The following CACNA2D3 variants were observed in gnomAD, a reference collection of about 807,000 sequenced individuals.
The protein encoded by CACNA2D3 is voltage-dependent calcium channel subunit alpha-2/delta-3.
CACNA2D3 carries 60 observed loss-of-function variants against 160.6 expected under a neutral mutation model. That is an observed-to-expected ratio of 0.37 (90% CI 0.30 to 0.46). The LOEUF (loss-of-function observed/expected upper bound fraction) is 0.46, where lower values mean the gene tolerates loss of function less well. Among genes scored for constraint, CACNA2D3 ranks in the 20% least tolerant of loss-of-function variants. The pLI, the probability that CACNA2D3 is intolerant of heterozygous loss-of-function variation, is 1.00. For synonymous variants in CACNA2D3, 558 were observed against 492.9 expected (o/e 1.13, Z -1.75); for missense variants, 1,205 against 1,365.0 (o/e 0.88, Z 1.85).
chr3:54,868,212 C>T (rs1699446808), intron 17 of CACNA2D3, among the ~76,000 whole-genome samples: 1 of 152,222 alleles, frequency 6.6e-6, no homozygotes, highest in South Asian at 2.1e-4. Flanking sequence ...ATTAATCACT[C>T]TGCTGCATGA....
chr3:54,624,530 G>C (rs929495499), intron 9 of CACNA2D3, among the ~76,000 whole-genome samples: 1 of 152,210 alleles, frequency 6.6e-6, no homozygotes, highest in African/African-American at 2.4e-5. Flanking sequence ...GCTGAGGCAG[G>C]AGAATGGCGT....
intron 35 of CACNA2D3, among the ~76,000 whole-genome samples, chr3:55,035,506 A>G (rs902391197): frequency 1.8e-4 from 28 of 152,344 alleles, no homozygotes; most frequent in African/African-American, 6.0e-4. Flanking sequence ...GGATGTATAA[A>G]GTCACACAGT....
intron 4 of CACNA2D3, among the ~76,000 whole-genome samples, chr3:54,476,938 C>A (rs1046238572): frequency 2.0e-5 from 3 of 152,140 alleles, no homozygotes; most frequent in Non-Finnish European, 4.4e-5. Flanking sequence ...ACCATGGACA[C>A]CTGTTCCATA....
At chr3:54,154,200 T>C (rs6445629) in intron 2 of CACNA2D3, among the ~76,000 whole-genome samples, 80,397 of 152,108 alleles carry the variant, frequency 0.53, 21,829 homozygotes, top group African/African-American at 0.66. Flanking sequence ...TACTAAGGTT[T>C]TACTATGTAT....
chr3:54,265,183 T>C (rs1202293774), intron 2 of CACNA2D3, among the ~76,000 whole-genome samples: 1 of 152,228 alleles, frequency 6.6e-6, no homozygotes, highest in Non-Finnish European at 1.5e-5. Context: ...ATGGTTGAAC[T>C]AATTTACACT....
At chr3:54,451,932 G>A (rs564402663) in intron 4 of CACNA2D3, among the ~76,000 whole-genome samples, 1 of 152,186 alleles carries the variant, frequency 6.6e-6, no homozygotes, top group Admixed American at 6.5e-5. Context: ...ACAAGCTCTA[G>A]GATTACCTCC....
At chr3:54,754,045 A>G (rs183700648) in intron 12 of CACNA2D3, among the ~76,000 whole-genome samples, 328 of 152,320 alleles carry the variant, frequency 2.2e-3, no homozygotes, top group Non-Finnish European at 3.0e-3. Context: ...GTGCATATTA[A>G]GTGCCTCGTT....
chr3:54,238,752 G>T (rs559492832), intron 2 of CACNA2D3, among the ~76,000 whole-genome samples: 1 of 152,192 alleles, frequency 6.6e-6, no homozygotes, highest in African/African-American at 2.4e-5. Flanking sequence ...ACAGAAGGCA[G>T]TTATCTCTCT....
chr3:54,585,110 A>G (rs997442971), intron 9 of CACNA2D3, among the ~76,000 whole-genome samples: 1 of 152,250 alleles, frequency 6.6e-6, no homozygotes, highest in African/African-American at 2.4e-5. Flanking sequence ...GAAGATTACA[A>G]TTAGAGTATC....
chr3:54,649,702 G>A (rs1383459061), intron 11 of CACNA2D3, among the ~76,000 whole-genome samples: 5 of 152,110 alleles, frequency 3.3e-5, no homozygotes, highest in African/African-American at 1.2e-4. Flanking sequence ...ATTCATGAGG[G>A]CTCCACCCTT....
chr3:54,515,149 C>G (rs1184255293), intron 5 of CACNA2D3, among the ~76,000 whole-genome samples: 4 of 148,308 alleles, frequency 2.7e-5, no homozygotes, highest in Non-Finnish European at 5.9e-5. Flanking sequence ...GAAGAAAATG[C>G]ATAGTAAAAT....
At chr3:54,286,812 A>G (rs1218012250) in intron 2 of CACNA2D3, among the ~76,000 whole-genome samples, 1 of 152,016 alleles carries the variant, frequency 6.6e-6, no homozygotes, top group Non-Finnish European at 1.5e-5. Context: ...CCAGAATTTC[A>G]TATCCAGCCA....
At chr3:54,253,699 T>C (rs1356034694) in intron 2 of CACNA2D3, among the ~76,000 whole-genome samples, 1 of 152,186 alleles carries the variant, frequency 6.6e-6, no homozygotes, top group East Asian at 1.9e-4. Context: ...TGTACCCATA[T>C]GTGCCTTTTG....
chr3:54,863,369 T>C (rs1168704), intron 17 of CACNA2D3, among the ~76,000 whole-genome samples: 125,706 of 152,120 alleles, frequency 0.83, 52,605 homozygotes, highest in African/African-American at 0.95. Context: ...TTCTCAGCGT[T>C]ACTCCTTTGC....
intron 13 of CACNA2D3, among the ~76,000 whole-genome samples, chr3:54,805,937 G>A (rs1374497661): frequency 1.3e-5 from 2 of 151,956 alleles, no homozygotes; most frequent in South Asian, 2.1e-4. Context: ...TATAAACAGA[G>A]CCAAAGACAA....
intron 24 of CACNA2D3, 57 bp from the exon 25 acceptor site, chr3:54,891,298 T>C: frequency 8.8e-7 from 1 of 1,141,842 alleles, no homozygotes; most frequent in Non-Finnish European, 1.3e-6. Context: ...TAAAATGCAA[T>C]GTATTATCTG....
rs115718731 is a variant in CACNA2D3 at position 54,231,090 on chromosome 3, C to T, written c.205-89352C>T. Among the ~76,000 whole-genome samples the T allele has an allele frequency of 5.1e-3, 780 of 152,188 alleles. 5 individuals carry two copies. Among genetic ancestry groups the T allele is most frequent in the African/African-American group, 0.017 (722 of 41,516 alleles). ...ATATCCCCTCTGCTAACATGTGAGC[C>T]GGGGTGTGGTGGTCAGCAGTTTGCT... On this transcript the variant is annotated intron_variant, in intron 2 of 37. Transcript: ENST00000474759.
intron 4 of CACNA2D3, among the ~76,000 whole-genome samples, chr3:54,472,138 A>G (rs992057136): frequency 6.6e-6 from 1 of 152,226 alleles, no homozygotes; most frequent in Non-Finnish European, 1.5e-5. Flanking sequence ...CATCGATGCA[A>G]AAATCCTCAA....
At chr3:54,332,401 T>G (rs1228890441) in intron 3 of CACNA2D3, among the ~76,000 whole-genome samples, 3 of 152,252 alleles carry the variant, frequency 2.0e-5, no homozygotes, top group African/African-American at 7.2e-5. Context: ...GGCACAACCT[T>G]GAAACATAGC....
Sources: gnomAD v4.1 joint callset for allele counts (sites outside exome capture counted in the v4.1 genomes callset) on GRCh38, gnomAD v4.1.1 for gene constraint, MANE v1.5 for transcripts, NCBI Gene and HGNC (gene_info 2026-07-23, HGNC 2026-07-21) for gene names.